Variants in NLRC3 observed in about 807,000 individuals in gnomAD.
NLRC3 encodes NLR family CARD domain containing 3.
In NLRC3, 87 loss-of-function variants were observed where a neutral mutation model predicts 91.6. The ratio of observed to expected loss-of-function variants is 0.95; its 90% CI spans 0.80 to 1.14. The LOEUF is 1.14. NLRC3 is among the 50% of genes most tolerant of loss of function. The pLI, the probability that NLRC3 is intolerant of heterozygous loss-of-function variation, is 0.00. For missense variants in NLRC3, 1,577 were observed against 1,418.6 expected (o/e 1.11, Z -1.79); for synonymous variants, 694 against 625.3 (o/e 1.11, Z -1.64).
At chr16:3,571,352 G>A (rs1039605833) in intron 1 of NLRC3, among the ~76,000 whole-genome samples, 9 of 150,932 alleles carry the variant, frequency 6.0e-5, no homozygotes, top group African/African-American at 1.7e-4. Context: ...AGAAGTGTCA[G>A]CCTGGGCAAC....
Position 3,564,475 on chromosome 16 carries a change from C to T in NLRC3, c.462G>A (p.Leu154=). The part of the protein sequence containing the change: ...IGVAGMGKTT[L]VRHFVRLWAH... ...CCCAGAGGCGGACGAAGTGCCTCAC[C>T]AGGGTGGTCTTGCCCATGCCGGCCA... The change falls in exon 5 of 20, where the codon CTG becomes CTA. Residue 154 remains leucine (L), a synonymous_variant. Coordinates refer to ENST00000359128, the MANE Select transcript of NLRC3 (RefSeq NM_178844.4). This position sits in a 1 kb window ranked among gnomAD's most constrained non-coding sequence, Gnocchi z 5.9. The T allele has an allele frequency of 6.2e-7, 1 of 1,612,598 alleles. No individual in the cohort carries two copies. Among genetic ancestry groups the T allele is most frequent in the Non-Finnish European group, 8.5e-7 (1 of 1,179,878 alleles).
chr16:3,564,691 T>C lies in NLRC3; in HGVS notation c.246A>G (p.Gly82=). 6.3e-7 allele frequency: 1 copy of C among 1,599,800 alleles called. No individual in the cohort carries two copies. Among genetic ancestry groups the C allele is most frequent in the Non-Finnish European group, 8.5e-7 (1 of 1,178,308 alleles). ...SKVGGGPELG[G]PWHRLASLLL... ...GGAGGGAGGCCAGCCTGTGCCAGGG[T>C]CCGCCCAGCTCCGGGCCACCTCCCA... The change falls in exon 5 of 20, where the codon GGA becomes GGG. Residue 82 remains glycine, a synonymous_variant. Transcript: ENST00000359128. The surrounding 1 kb of genome is among the most constrained non-coding windows in gnomAD (Gnocchi z 5.9).
At position 3,563,085 on chromosome 16, in the gene NLRC3, C is replaced by T. The variant is rs1485822874; in HGVS notation, c.1852G>A (p.Ala618Thr). 1 of 1,571,000 alleles carries T rather than the reference C, an allele frequency of 6.4e-7. No homozygotes were observed. The highest frequency in any genetic ancestry group is 8.6e-7 in the Non-Finnish European group (1 of 1,158,756). The change falls in exon 5 of 20, where the codon GCC becomes ACC. Residue 618 changes from alanine (A) to threonine (T), a missense_variant. Physicochemically the swap from Ala to Thr is moderately conservative, Grantham distance 58. Coordinates refer to ENST00000359128, the MANE Select transcript of NLRC3 (RefSeq NM_178844.4). ...TGGCTGAGGCTCAGGGACAGGTTGG[C>T]CTCCTGGGCACAGGCGTCGGACACC... ...LQVSDACAQE[A>T]NLSLSLSQGV...
chr16:3,549,803 G>A, intron 11 of NLRC3, 23 bp from the exon 12 acceptor site: 1 of 1,533,400 alleles, frequency 6.5e-7, no homozygotes, highest in Non-Finnish European at 8.8e-7. Flanking sequence ...GAGGCGCCCT[G>A]GGTGTGGCTG....
In NLRC3 at chr16:3,563,410, C is replaced by G. The variant is rs748715755; in HGVS notation, c.1527G>C (p.Arg509Ser). ...AQRAMQAEDG[R>S]LDVFLRFLSG... ...AGAGGAAGCGCAGGAACACGTCCAG[C>G]CTCCCGTCCTCTGCCTGCATGGCCC... Residue 509 changes from arginine (R) to serine (S), a missense_variant, in exon 5 of 20, where the codon AGG becomes AGC. Transcript: ENST00000359128. 6 of 1,576,018 alleles carry G rather than the reference C, an allele frequency of 3.8e-6. No homozygotes were observed. Among genetic ancestry groups the G allele is most frequent in the Non-Finnish European group, 5.2e-6 (6 of 1,161,330 alleles).
intron 17 of NLRC3, chr16:3,543,163 A>G: frequency 2.0e-6 from 1 of 503,268 alleles, no homozygotes. Context: ...TGCCCAGAGA[A>G]CAAGATCAGC....
At chr16:3,574,007 CTTTTTTTTTTT>C (rs35126359) in intron 1 of NLRC3, among the ~76,000 whole-genome samples, 544 of 40,374 alleles carry the variant, frequency 0.013, 6 homozygotes, top group African/African-American at 0.052. Context: ...ACCATTTTAT[CTTTTTTTTTTT>C]TTTTTTTTTT....
rs1226482217 is a variant in NLRC3 at position 3,540,796 on chromosome 16, CAAAA to C, written c.*1025_*1028del. 1 of 148,696 alleles carries C rather than the reference CAAAA, an allele frequency of 6.7e-6. No individual in the cohort carries two copies. Among genetic ancestry groups the C allele is most frequent in the Admixed American group, 6.7e-5 (1 of 14,924 alleles). 9.2% of individuals were successfully genotyped at this position (148,696 alleles called of 1,614,324 possible). A position where few individuals can be genotyped will look rare whatever the true frequency, so the allele number is the denominator to read the frequency against. Reference sequence around the variant, plus strand: ...CCAGCCTGGGTGACAGATTCTGTCTCAAAAATAAATAAAGAATGACATCACTGAA... The same window carrying C: ...CCAGCCTGGGTGACAGATTCTGTCTCATAAATAAAGAATGACATCACTGAA... On this transcript the variant is annotated 3_prime_UTR_variant, in exon 20 of 20. Transcript: ENST00000359128.
At position 3,577,256 on chromosome 16, in the gene NLRC3, C is replaced by T. The variant is rs768796883; in HGVS notation, c.-276G>A. On this transcript the variant is annotated 5_prime_UTR_variant, in exon 1 of 20. Coordinates refer to ENST00000359128, the MANE Select transcript of NLRC3 (RefSeq NM_178844.4). ...TGCTCCAGCTGCGTGGTGGTAGATG[C>T]CCTGGGAATCCCTGTGCCAGCCTGA... is the stretch of plus-strand genomic sequence containing the variant. The T allele has an allele frequency of 2.9e-6, 2 of 699,578 alleles. No individual in the cohort carries two copies. Among genetic ancestry groups the T allele is most frequent in the Non-Finnish European group, 5.2e-6 (2 of 383,154 alleles). The allele number at this position is 699,578 out of a possible 1,614,324, so 43.3% of individuals were successfully genotyped here.
chr16:3,559,176 A>G (rs2039491020), intron 6 of NLRC3, among the ~76,000 whole-genome samples: 1 of 152,114 alleles, frequency 6.6e-6, no homozygotes, highest in Non-Finnish European at 1.5e-5. Context: ...CGTCCAGGCC[A>G]CCTCTGTATA....
chr16:3,564,335 A>C lies in NLRC3; in HGVS notation c.602T>G (p.Val201Gly). ...DRLICSVFPHVGEPSLAVAVP... is the reference protein window; with the variant it reads ...DRLICSVFPHGGEPSLAVAVP... Reference sequence around the variant, plus strand: ...TGCCACCGCCAGGCTGGGCTCCCCGACGTGCGGGAAGACCGAGCAGATGAG... The same window carrying C: ...TGCCACCGCCAGGCTGGGCTCCCCGCCGTGCGGGAAGACCGAGCAGATGAG... The change falls in exon 5 of 20, where the codon GTC (valine) becomes GGC (glycine). Residue 201 changes from valine to glycine, a missense_variant. Transcript: ENST00000359128. The surrounding 1 kb of genome is among the most constrained non-coding windows in gnomAD (Gnocchi z 5.9). 1 of 1,611,764 alleles carries C rather than the reference A, an allele frequency of 6.2e-7. No individual in the cohort carries two copies. Among genetic ancestry groups the C allele is most frequent in the South Asian group, 1.1e-5 (1 of 90,980 alleles).
At chr16:3,575,503 C>T (rs1426267967) in intron 1 of NLRC3, among the ~76,000 whole-genome samples, 2 of 152,208 alleles carry the variant, frequency 1.3e-5, no homozygotes, top group Non-Finnish European at 2.9e-5. Flanking sequence ...CTGGTTTGAG[C>T]TGCTGCGAGC....
chr16:3,558,416 A>AC (rs1271145995), intron 6 of NLRC3, among the ~76,000 whole-genome samples: 3 of 152,128 alleles, frequency 2.0e-5, no homozygotes, highest in African/African-American at 7.2e-5. Flanking sequence ...TCCCAGCAAC[A>AC]CCAAGTTCAA....
rs1298889341 is a variant in NLRC3 at position 3,542,322 on chromosome 16, G to A, written c.3024-48C>T. On this transcript the variant is annotated intron_variant, in intron 18 of 19. Transcript: ENST00000359128. ...CACACGGTGAGCCATCAGGGCAGAA[G>A]GAAAACACCCGGGGAAGCAACAGTG... The A allele has an allele frequency of 1.4e-5, 16 of 1,182,260 alleles. No individual in the cohort carries two copies. In the South Asian group the frequency reaches 1.8e-4, roughly 13 times the overall value. 73.2% of individuals were successfully genotyped at this position (1,182,260 alleles called of 1,614,324 possible).
At chr16:3,549,600 A>G in intron 12 of NLRC3, 97 bp downstream of exon 12, 9 of 955,424 alleles carry the variant, frequency 9.4e-6, no homozygotes, top group Non-Finnish European at 6.5e-6. Context: ...TTCCCCAGCC[A>G]TAGATTTCCC....
chr16:3,557,797 G>A (rs2039418345), intron 6 of NLRC3, 121 bp from the exon 7 acceptor site: 1 of 665,060 alleles, frequency 1.5e-6, no homozygotes, highest in Non-Finnish European at 2.7e-6. Context: ...TCTGGACATA[G>A]GTGGAGATGA....
rs547670973 is a variant in NLRC3, at chr16:3,560,820, C to T, written c.2015+882G>A. Among the ~76,000 whole-genome samples the T allele has an allele frequency of 1.1e-4, 16 of 151,504 alleles. No homozygotes were observed. The East Asian group carries it at 1.6e-3, about 15-fold the overall frequency. On this transcript the variant is annotated intron_variant, in intron 6 of 19. Transcript: ENST00000359128. ...GACTACAGGCGCCCACCACCACGCC[C>T]GGCTAATTTTTTGTATTTTTAGTAG...
At chr16:3,547,600 G>GTATGTGTATATATGTA (rs994956524) in intron 15 of NLRC3, among the ~76,000 whole-genome samples, 3 of 152,064 alleles carry the variant, frequency 2.0e-5, no homozygotes, top group African/African-American at 7.2e-5. Context: ...GTACATATAT[G>GTATGTGTATATATGTA]TATGTGTATA....
In NLRC3 at chr16:3,541,216, A is replaced by G. The variant is rs1175457438; in HGVS notation, c.*609T>C. 3.9e-5 allele frequency: 6 copies of G among 152,248 alleles called. No homozygotes were observed. The highest frequency in any genetic ancestry group is 1.4e-4 in the African/African-American group (6 of 41,454). The allele number at this position is 152,248 out of a possible 1,614,324, so 9.4% of individuals were successfully genotyped here. A position where few individuals can be genotyped will look rare whatever the true frequency, so the allele number is the denominator to read the frequency against. Reference sequence around the variant, plus strand: ...GCGAGACTCCATCTCAAAAACAAACAAAAAAGGCAAAATCCTTGGAGAACT... The same window carrying G: ...GCGAGACTCCATCTCAAAAACAAACGAAAAAGGCAAAATCCTTGGAGAACT... On this transcript the variant is annotated 3_prime_UTR_variant, in exon 20 of 20. Transcript: ENST00000359128.
Sources: gnomAD v4.1 joint callset for allele counts (sites outside exome capture counted in the v4.1 genomes callset) on GRCh38, gnomAD v4.1.1 for gene constraint, Gnocchi (gnomAD v3.1) non-coding constraint, MANE v1.5 for transcripts, NCBI Gene and HGNC (gene_info 2026-07-23, HGNC 2026-07-21) for gene names.